HCN1: variants seen among roughly 807,000 people sequenced by gnomAD.
The protein encoded by HCN1 is hyperpolarization activated cyclic nucleotide gated potassium channel 1.
In HCN1, 13 loss-of-function variants were observed where a neutral mutation model predicts 78.9. The ratio of observed to expected loss-of-function variants is 0.16; its 90% confidence interval spans 0.11 to 0.26. HCN1 has a LOEUF of 0.26. HCN1 is among the 10% of genes least tolerant of loss of function. The pLI is 1.00. For missense variants in HCN1, 810 were observed against 1,154.3 expected (o/e 0.70, Z 4.32); for synonymous variants, 552 against 455.5 (o/e 1.21, Z -2.70).
At chr5:45,369,908 T>C (rs1423846251) in intron 4 of HCN1, among the ~76,000 whole-genome samples, 3 of 152,074 alleles carry the variant, frequency 2.0e-5, no homozygotes, top group Non-Finnish European at 2.9e-5. Flanking sequence ...CTCTGTATTT[T>C]CTTAAATCAA....
intron 6 of HCN1, among the ~76,000 whole-genome samples, chr5:45,287,432 C>A (rs1002262294): frequency 2.0e-5 from 3 of 151,792 alleles, no homozygotes; most frequent in African/African-American, 7.3e-5. Context: ...GAGAAACATA[C>A]CAAAAATGAT....
Position 45,427,888 on chromosome 5 carries a change from A to G in HCN1, c.1012-31178T>C, listed in dbSNP as rs182593391. Among the ~76,000 whole-genome samples, 9 of 152,200 alleles carry G rather than the reference A, an allele frequency of 5.9e-5. No individual in the cohort carries two copies. In the East Asian group the frequency reaches 1.7e-3, roughly 29 times the overall value. On this transcript the variant is annotated intron_variant, in intron 3 of 7. Coordinates refer to ENST00000303230, the MANE Select transcript of HCN1 (RefSeq NM_021072.4). Reference sequence around the variant, plus strand: ...CCTGCTTTGCTATGATTGTATGAAGATAGTTTTTTCATTATGCTCCATTTT... The same window carrying G: ...CCTGCTTTGCTATGATTGTATGAAGGTAGTTTTTTCATTATGCTCCATTTT...
intron 4 of HCN1, among the ~76,000 whole-genome samples, chr5:45,377,293 G>T (rs2112021483): frequency 6.6e-6 from 1 of 152,064 alleles, no homozygotes; most frequent in Non-Finnish European, 1.5e-5. Flanking sequence ...CAGATTTCAA[G>T]ATACTTAATA....
chr5:45,318,915 G>A (rs1311856623), intron 5 of HCN1, among the ~76,000 whole-genome samples: 1 of 151,966 alleles, frequency 6.6e-6, no homozygotes, highest in Non-Finnish European at 1.5e-5. Flanking sequence ...AGGTCTTCTT[G>A]TTCTTGAAAG....
chr5:45,618,299 T>C (rs1259853104), intron 2 of HCN1, among the ~76,000 whole-genome samples: 1 of 151,884 alleles, frequency 6.6e-6, no homozygotes, highest in Non-Finnish European at 1.5e-5. Context: ...GACACGGAGG[T>C]ATTCCTCCTG....
At chr5:45,353,317 T>C in intron 4 of HCN1, 71 bp from the exon 5 acceptor site, 2 of 1,205,148 alleles carry the variant, frequency 1.7e-6, no homozygotes, top group Non-Finnish European at 2.4e-6. Context: ...TTATTTTGTT[T>C]TGCTATATTC....
intron 3 of HCN1, among the ~76,000 whole-genome samples, chr5:45,445,145 G>A (rs1740761294): frequency 1.3e-5 from 2 of 152,226 alleles, no homozygotes; most frequent in Non-Finnish European, 2.9e-5. Context: ...AGAAAGGGGT[G>A]ACAGATGGCA....
intron 5 of HCN1, among the ~76,000 whole-genome samples, chr5:45,322,249 C>A (rs1746139943): frequency 6.6e-6 from 1 of 151,760 alleles, no homozygotes; most frequent in African/African-American, 2.4e-5. Context: ...CTGTCCTAAA[C>A]CCATTGAAAT....
intron 3 of HCN1, among the ~76,000 whole-genome samples, chr5:45,453,537 A>G (rs75221839): frequency 0.03 from 4,634 of 152,170 alleles, 276 homozygotes; most frequent in African/African-American, 0.1. Flanking sequence ...CAGCCAATTC[A>G]TGGTTGTTTT....
rs536290662 is a variant in HCN1 at position 45,317,403 on chromosome 5, T to G, written c.1378-13564A>C. 3.3e-5 allele frequency among the ~76,000 whole-genome samples: 5 copies of G among 152,264 alleles called. No homozygotes were observed. The East Asian group carries it at 5.8e-4, about 18-fold the overall frequency. On this transcript the variant is annotated intron_variant, in intron 5 of 7. Coordinates refer to ENST00000303230, the MANE Select transcript of HCN1 (RefSeq NM_021072.4). ...AACTGGATCCCTTCCTTACACCTTA[T>G]ACAAAAATTATAAGATAGACTAAAG...
At chr5:45,404,046 C>G (rs1200763372) in intron 3 of HCN1, among the ~76,000 whole-genome samples, 1 of 152,132 alleles carries the variant, frequency 6.6e-6, no homozygotes, top group Non-Finnish European at 1.5e-5. Flanking sequence ...TGCCCCACTT[C>G]GGGCATCCTG....
At chr5:45,695,520 T>C in intron 1 of HCN1, 149 bp downstream of exon 1, 1 of 708,392 alleles carries the variant, frequency 1.4e-6, no homozygotes, top group Non-Finnish European at 2.3e-6. Flanking sequence ...AGGCGCCGAG[T>C]GGAGCCTGCT....
chr5:45,607,134 T>C (rs899831846), intron 2 of HCN1, among the ~76,000 whole-genome samples: 3 of 151,814 alleles, frequency 2.0e-5, no homozygotes, highest in Admixed American at 6.6e-5. Context: ...GAAAATAATA[T>C]ACATCATTAA....
At chr5:45,620,193 C>A (rs185361354) in intron 2 of HCN1, among the ~76,000 whole-genome samples, 7 of 152,156 alleles carry the variant, frequency 4.6e-5, no homozygotes, top group Admixed American at 4.6e-4. Flanking sequence ...TAAGAAACAT[C>A]ATATATTCCT....
At position 45,688,990 on chromosome 5, in the gene HCN1, G is replaced by A. The variant is rs183189639; in HGVS notation, c.425+6679C>T. 5.9e-5 allele frequency among the ~76,000 whole-genome samples: 9 copies of A among 152,122 alleles called. No individual in the cohort carries two copies. In the South Asian group the frequency reaches 6.2e-4, roughly 11 times the overall value. ...GTTGCTTAAGGCTGAGCGGGAGGGC[G>A]GGAGAGGAGAGAAAGTGAGTGCTAA... is the stretch of plus-strand genomic sequence containing the variant. On this transcript the variant is annotated intron_variant, in intron 1 of 7. Coordinates refer to ENST00000303230, the MANE Select transcript of HCN1 (RefSeq NM_021072.4).
At chr5:45,401,000 A>G (rs541673142) in intron 3 of HCN1, among the ~76,000 whole-genome samples, 2 of 152,194 alleles carry the variant, frequency 1.3e-5, no homozygotes, top group Non-Finnish European at 2.9e-5. Flanking sequence ...TGTTGATCAC[A>G]CCATAGTTAA....
intron 2 of HCN1, among the ~76,000 whole-genome samples, chr5:45,623,873 T>C (rs915553819): frequency 2.0e-5 from 3 of 152,194 alleles, no homozygotes; most frequent in Admixed American, 1.3e-4. Context: ...TATTGCTTTA[T>C]ATAAAGTAGT....
intron 3 of HCN1, 29 bp downstream of exon 3, chr5:45,461,817 C>T (rs780751903): frequency 6.3e-7 from 1 of 1,595,262 alleles, no homozygotes; most frequent in South Asian, 1.1e-5. Context: ...GTTGAAAAGT[C>T]AGAGTGTAAA....
intron 2 of HCN1, among the ~76,000 whole-genome samples, chr5:45,472,041 C>T (rs866876257): frequency 6.6e-6 from 1 of 151,900 alleles, no homozygotes; most frequent in Admixed American, 6.6e-5. Context: ...ATATTCTTGG[C>T]CTGGCATTAA....
Sources: allele counts gnomAD v4.1 joint callset (sites outside exome capture counted in the v4.1 genomes callset), GRCh38; gene constraint gnomAD v4.1.1; transcripts MANE v1.5; gene names NCBI Gene and HGNC (gene_info 2026-07-23, HGNC 2026-07-21).